The following A2ML1 variants were observed in gnomAD, a reference collection of about 807,000 sequenced individuals.
A2ML1 encodes alpha-2-macroglobulin like 1.
In A2ML1, 161 loss-of-function variants were observed where a neutral mutation model predicts 181.9. That is an observed-to-expected ratio of 0.89 (90% CI 0.78 to 1.01). A2ML1 has a LOEUF of 1.01. Among genes scored for constraint, A2ML1 ranks in the 50% least tolerant of loss-of-function variants. The pLI, the probability that A2ML1 is intolerant of heterozygous loss-of-function variation, is 0.00. For missense variants in A2ML1, 1,670 were observed against 1,768.1 expected (o/e 0.94, Z 1.00); for synonymous variants, 663 against 666.8 (o/e 0.99, Z 0.09).
intron 32 of A2ML1, among the ~76,000 whole-genome samples, 174 bp from the exon 33 acceptor site, chr12:8,868,961 A>G (rs2093329022): frequency 6.6e-6 from 1 of 152,088 alleles, no homozygotes; most frequent in Non-Finnish European, 1.5e-5. Context: ...GATTATTTAA[A>G]TGGGCTGCAA....
rs1341003193 is a variant in A2ML1 at position 8,847,184 on chromosome 12, G to C, written c.1684-365G>C. The stretch of plus-strand genomic sequence containing the variant: ...GGCTGGTCTTGAACTCCTGACCTCA[G>C]GTCATCCACCTGCCTTGGCCTCCCA... On this transcript the variant is annotated intron_variant, in intron 14 of 35. Coordinates refer to ENST00000299698, the MANE Select transcript of A2ML1 (RefSeq NM_144670.6). Among the ~76,000 whole-genome samples, 3 of 128,506 alleles carry C rather than the reference G, an allele frequency of 2.3e-5. No individual in the cohort carries two copies. The East Asian group carries it at 6.8e-4, about 29-fold the overall frequency. The allele number at this position is 128,506 out of a possible 152,430, so 84.3% of individuals were successfully genotyped here. A position where few individuals can be genotyped will look rare whatever the true frequency, so the allele number is the denominator to read the frequency against.
At chr12:8,838,260 A>T in intron 8 of A2ML1, 76 bp from the exon 9 acceptor site, 1 of 1,039,678 alleles carries the variant, frequency 9.6e-7, no homozygotes, top group Non-Finnish European at 1.4e-6. Context: ...ATTTCCTTCT[A>T]CAGAACATTA....
Position 8,841,025 on chromosome 12 carries a change from A to AGGAAGGAAGGAAGGACGGACGGAC in A2ML1, c.1081-332_1081-331insGGACGGACGGACGGAAGGAAGGAA, listed in dbSNP as rs1592119897. ...AAGGAAGGAAGGACGGAAGGAAGGA[A>AGGAAGGAAGGAAGGACGGACGGAC]GGAAGGAAGGAAAGAAAAAAGAAAG... On this transcript the variant is annotated intron_variant, in intron 10 of 35. Transcript: ENST00000299698. Among the ~76,000 whole-genome samples the AGGAAGGAAGGAAGGACGGACGGAC allele has an allele frequency of 4.7e-5, 6 of 126,338 alleles. No individual in the cohort carries two copies. The East Asian group carries it at 1.4e-3, about 29-fold the overall frequency. 82.9% of individuals were successfully genotyped at this position (126,338 alleles called of 152,430 possible). A position where few individuals can be genotyped will look rare whatever the true frequency, so the allele number is the denominator to read the frequency against.
intron 29 of A2ML1, 104 bp from the exon 30 acceptor site, chr12:8,867,738 T>C (rs1386288666): frequency 4.9e-6 from 5 of 1,014,326 alleles, no homozygotes; most frequent in Non-Finnish European, 7.5e-6. Flanking sequence ...GAAGTCATCA[T>C]CCAAGCCAAC....
intron 11 of A2ML1, among the ~76,000 whole-genome samples, chr12:8,842,810 T>C (rs1028646375): frequency 2.0e-5 from 3 of 152,230 alleles, no homozygotes; most frequent in African/African-American, 7.2e-5. Flanking sequence ...CCCTGAAATA[T>C]AATCTTTGAT....
At position 8,834,689 on chromosome 12, in the gene A2ML1, G is replaced by A. The variant is rs73037000; in HGVS notation, c.483+7G>A. On this transcript the variant is annotated splice_region_variant and intron_variant, in intron 5 of 35. Coordinates refer to ENST00000299698, the MANE Select transcript of A2ML1 (RefSeq NM_144670.6). The stretch of plus-strand genomic sequence containing the variant: ...CTCCATGGTGGAACTACAGGTAAGC[G>A]GAAGTTTCTTTCTCTTCTCTGTCAG... 12,446 of 1,614,042 alleles carry A rather than the reference G, an allele frequency of 7.7e-3. 77 individuals are homozygous for A. Among genetic ancestry groups the A allele is most frequent in the Non-Finnish European group, 8.9e-3 (10,545 of 1,179,948 alleles).
chr12:8,872,185 AAG>A (rs1491047127), intron 33 of A2ML1, among the ~76,000 whole-genome samples: 10 of 133,036 alleles, frequency 7.5e-5, no homozygotes, highest in African/African-American at 2.9e-4. Context: ...TCTCAGAAAA[AAG>A]AAAAAAAAAA....
Position 8,823,275 on chromosome 12 carries a change from CA to C in A2ML1, c.157del (p.Thr53ArgfsTer14), listed in dbSNP as rs1282457909. The C allele has an allele frequency of 6.2e-7, 1 of 1,614,088 alleles. No individual in the cohort carries two copies. Among genetic ancestry groups the C allele is most frequent in the Non-Finnish European group, 8.5e-7 (1 of 1,180,000 alleles). On this transcript the variant is annotated frameshift_variant, in exon 2 of 36. Coordinates refer to ENST00000299698, the MANE Select transcript of A2ML1 (RefSeq NM_144670.6). LOFTEE classifies it high-confidence loss of function. ...LSPGYSDVKF[T>X]VTLETKDKTQ... ...GCCCTGGGTACAGTGATGTTAAATTCACGGTTACTCTGGAGACCAAGGACAA... is the reference window on the plus strand; with the variant it reads ...GCCCTGGGTACAGTGATGTTAAATTCCGGTTACTCTGGAGACCAAGGACAA...
chr12:8,833,499 T>C (rs1943182512), intron 4 of A2ML1, among the ~76,000 whole-genome samples: 1 of 152,066 alleles, frequency 6.6e-6, no homozygotes, highest in Non-Finnish European at 1.5e-5. Context: ...CGGGTTCAAG[T>C]GATTCTTCTG....
chr12:8,829,869 G>GCCT, intron 4 of A2ML1, 90 bp downstream of exon 4: 1 of 1,529,884 alleles, frequency 6.5e-7, no homozygotes, highest in Non-Finnish European at 9.0e-7. Context: ...CAGCCTGGGC[G>GCCT]TGGCAAGGCG....
chr12:8,843,130 T>C lies in A2ML1; in HGVS notation c.1249-4T>C, dbSNP rs766303172. ...AAAATTCTCTCTCTCTCTTTTATTC[T>C]CAGGGAAAGTTTCAAATGGAAGACT... On this transcript the variant is annotated splice_polypyrimidine_tract_variant and splice_region_variant and intron_variant, in intron 11 of 35. Coordinates refer to ENST00000299698, the MANE Select transcript of A2ML1 (RefSeq NM_144670.6). 2 of 1,613,608 alleles carry C rather than the reference T, an allele frequency of 1.2e-6. No individual in the cohort carries two copies. Among genetic ancestry groups the C allele is most frequent in the South Asian group, 1.1e-5 (1 of 91,034 alleles).
chr12:8,868,475 T>TGTGG (rs1555117780), intron 31 of A2ML1, 62 bp from the exon 32 acceptor site: 1 of 1,595,438 alleles, frequency 6.3e-7, no homozygotes. Context: ...TGTGTGTGTG[T>TGTGG]TGGGGATGCA....
intron 4 of A2ML1, among the ~76,000 whole-genome samples, chr12:8,832,628 T>A (rs1350312800): frequency 6.6e-6 from 1 of 152,094 alleles, no homozygotes; most frequent in Non-Finnish European, 1.5e-5. Context: ...GCGGCTTCAG[T>A]CCCTCCCTTT....
intron 7 of A2ML1, among the ~76,000 whole-genome samples, chr12:8,886,010 T>TCACACACACACACACACACA (rs35294269): frequency 6.9e-6 from 1 of 144,892 alleles, no homozygotes; most frequent in Non-Finnish European, 1.5e-5. Flanking sequence ...CAACAATATC[T>TCACACACACACACACACACA]CACACACACA....
In A2ML1 at chr12:8,874,985, A is replaced by T. The variant is rs1201862429; in HGVS notation, c.4339A>T (p.Ile1447Phe). Residue 1447 changes from isoleucine to phenylalanine, a missense_variant, in exon 35 of 36, where the codon ATT becomes TTT. By Grantham distance (21) the Ile-to-Phe change is conservative. Transcript: ENST00000299698. The stretch of plus-strand genomic sequence containing the variant: ...TCATTTCACAGATGAACAGGCAACA[A>T]TTCAGTATTCTGATCCCTGTGAATG... ...DYYLPDEQATIQYSDPCE is the reference protein window; with the variant it reads ...DYYLPDEQATFQYSDPCE 38 of 1,614,202 alleles carry T rather than the reference A, an allele frequency of 2.4e-5. No homozygotes were observed. Among genetic ancestry groups the T allele is most frequent in the Non-Finnish European group, 3.1e-5 (36 of 1,180,012 alleles).
intron 23 of A2ML1, among the ~76,000 whole-genome samples, chr12:8,856,194 A>G (rs989829601): frequency 2.6e-5 from 4 of 152,322 alleles, no homozygotes; most frequent in East Asian, 3.9e-4. Flanking sequence ...TAGGAGCCCT[A>G]TGAATGTTAG....
chr12:8,865,324 G>A (rs924411521), intron 29 of A2ML1, among the ~76,000 whole-genome samples: 9 of 150,664 alleles, frequency 6.0e-5, no homozygotes, highest in Admixed American at 3.3e-4. Flanking sequence ...CGGATCACCT[G>A]AGGTCGGGAG....
At chr12:8,831,309 G>A (rs1943105278) in intron 4 of A2ML1, among the ~76,000 whole-genome samples, 1 of 152,142 alleles carries the variant, frequency 6.6e-6, no homozygotes, top group Non-Finnish European at 1.5e-5. Flanking sequence ...GAAGTGCTGG[G>A]TTCAAAGCGT....
intron 28 of A2ML1, among the ~76,000 whole-genome samples, 187 bp from the exon 29 acceptor site, chr12:8,863,607 A>C (rs1944342398): frequency 6.6e-6 from 1 of 152,194 alleles, no homozygotes; most frequent in Admixed American, 6.5e-5. Flanking sequence ...CTTTACACAC[A>C]GGCACGCACA....
Sources: gnomAD v4.1 joint callset for allele counts (sites outside exome capture counted in the v4.1 genomes callset) on GRCh38, gnomAD v4.1.1 for gene constraint, MANE v1.5 for transcripts, NCBI Gene and HGNC (gene_info 2026-07-23, HGNC 2026-07-21) for gene names.